CDH12: variants seen among roughly 807,000 people sequenced by gnomAD.
CDH12 encodes cadherin 12.
In CDH12, 41 loss-of-function variants were observed where a neutral mutation model predicts 74.1. The ratio of observed to expected loss-of-function variants is 0.55; its 90% CI spans 0.43 to 0.72. The LOEUF (loss-of-function observed/expected upper bound fraction) is 0.72. Among genes scored for constraint, CDH12 ranks in the 30% least tolerant of loss-of-function variants. The pLI is 0.00. For missense variants in CDH12, 945 were observed against 977.2 expected (o/e 0.97, Z 0.44); for synonymous variants, 399 against 355.0 (o/e 1.12, Z -1.39).
At chr5:21,833,083 A>T (rs1429891311) in intron 8 of CDH12, among the ~76,000 whole-genome samples, 1 of 46,910 alleles carries the variant, frequency 2.1e-5, no homozygotes, top group Non-Finnish European at 4.0e-5. Context: ...TATATATTAT[A>T]TTATAAATAT....
At chr5:22,277,132 C>T (rs1453221067) in intron 3 of CDH12, among the ~76,000 whole-genome samples, 1 of 152,100 alleles carries the variant, frequency 6.6e-6, no homozygotes, top group Non-Finnish European at 1.5e-5. Flanking sequence ...GCAAAGTAGC[C>T]CCAATAACTA....
chr5:22,430,519 T>C (rs1304908508), intron 2 of CDH12, among the ~76,000 whole-genome samples: 1 of 152,156 alleles, frequency 6.6e-6, no homozygotes, highest in Non-Finnish European at 1.5e-5. Context: ...CTAACTTTAT[T>C]TACTTAGCAT....
intron 4 of CDH12, among the ~76,000 whole-genome samples, chr5:22,197,517 G>C (rs1039535725): frequency 1.3e-5 from 2 of 152,124 alleles, no homozygotes; most frequent in African/African-American, 4.8e-5. Flanking sequence ...GATTTTGCCA[G>C]AGAGTATCAG....
intron 3 of CDH12, among the ~76,000 whole-genome samples, chr5:22,369,190 A>G (rs1741163903): frequency 1.3e-5 from 2 of 151,098 alleles, no homozygotes; most frequent in South Asian, 2.1e-4. Flanking sequence ...TTGAAATTTG[A>G]TGTCCCTTAC....
intron 3 of CDH12, among the ~76,000 whole-genome samples, chr5:22,361,527 G>T (rs55799781): frequency 0.35 from 52,752 of 151,224 alleles, 10,579 homozygotes; most frequent in Admixed American, 0.48. Context: ...TAGATTCAAT[G>T]CCATCCCCAT....
At chr5:22,160,068 G>A (rs1156240855) in intron 4 of CDH12, among the ~76,000 whole-genome samples, 2 of 152,180 alleles carry the variant, frequency 1.3e-5, no homozygotes, top group East Asian at 1.9e-4. Flanking sequence ...TGCAATATAC[G>A]TTGCTCTTCT....
chr5:22,546,515 C>A (rs904342500), intron 1 of CDH12, among the ~76,000 whole-genome samples: 19 of 152,124 alleles, frequency 1.2e-4, no homozygotes, highest in African/African-American at 4.6e-4. Context: ...GTTAGGCAAT[C>A]CCCTCTCTGT....
At chr5:21,900,716 C>A (rs992772893) in intron 6 of CDH12, among the ~76,000 whole-genome samples, 38 of 152,274 alleles carry the variant, frequency 2.5e-4, no homozygotes, top group Non-Finnish European at 4.4e-4. Flanking sequence ...CCCGACTCCG[C>A]CAGCCAATGC....
intron 1 of CDH12, among the ~76,000 whole-genome samples, chr5:22,723,170 G>A (rs1027414326): frequency 3.9e-5 from 6 of 152,100 alleles, no homozygotes; most frequent in African/African-American, 1.4e-4. Flanking sequence ...CAAATGCAAG[G>A]CATGCTCATT....
intron 4 of CDH12, among the ~76,000 whole-genome samples, chr5:22,079,810 T>C (rs534452438): frequency 4.1e-4 from 62 of 149,902 alleles, no homozygotes; most frequent in African/African-American, 1.5e-3. Flanking sequence ...ATGTGGTAGA[T>C]AAAAAAACAG....
At chr5:22,470,822 C>A (rs1485865703) in intron 2 of CDH12, among the ~76,000 whole-genome samples, 1 of 149,378 alleles carries the variant, frequency 6.7e-6, no homozygotes, top group East Asian at 2.0e-4. Context: ...CACTTCTGAG[C>A]CCTTTTTTTT....
intron 1 of CDH12, among the ~76,000 whole-genome samples, chr5:22,520,200 A>T (rs1385129497): frequency 1.3e-5 from 2 of 152,172 alleles, no homozygotes; most frequent in East Asian, 3.9e-4. Flanking sequence ...AAAAGCCACA[A>T]TGTGAATAGT....
At chr5:22,168,981 A>G (rs1206208479) in intron 4 of CDH12, among the ~76,000 whole-genome samples, 1 of 149,624 alleles carries the variant, frequency 6.7e-6, no homozygotes, top group Non-Finnish European at 1.5e-5. Flanking sequence ...AGAAAACAGT[A>G]CAACTACACT....
intron 3 of CDH12, among the ~76,000 whole-genome samples, chr5:22,384,512 C>T (rs1212684998): frequency 2.0e-5 from 2 of 100,748 alleles, no homozygotes; most frequent in African/African-American, 3.6e-5. Flanking sequence ...GGCCACAGAG[C>T]GAAACTCCGT....
chr5:22,532,375 A>ATATATATATATATATATG (rs1178546849), intron 1 of CDH12, among the ~76,000 whole-genome samples: 5 of 75,834 alleles, frequency 6.6e-5, no homozygotes, highest in African/African-American at 1.8e-4. Flanking sequence ...ATATATATAT[A>ATATATATATATATATATG]TATGTATGTA....
chr5:22,488,846 A>G (rs183870155), intron 2 of CDH12, among the ~76,000 whole-genome samples: 1 of 149,398 alleles, frequency 6.7e-6, no homozygotes, highest in African/African-American at 2.6e-5. Context: ...CTACTGGCCA[A>G]TACTGGTACT....
At chr5:22,229,360 C>A (rs115146208) in intron 3 of CDH12, among the ~76,000 whole-genome samples, 7 of 125,378 alleles carry the variant, frequency 5.6e-5, no homozygotes, top group African/African-American at 7.8e-5. Flanking sequence ...CTGCCTTTTA[C>A]AAAAAAAAAA....
chr5:22,637,617 A>T (rs897041106), intron 1 of CDH12, among the ~76,000 whole-genome samples: 1 of 152,252 alleles, frequency 6.6e-6, no homozygotes, highest in African/African-American at 2.4e-5. Context: ...TCTTAGGATC[A>T]TCAGATGATT....
intron 1 of CDH12, among the ~76,000 whole-genome samples, chr5:22,829,745 C>G (rs904386185): frequency 6.6e-6 from 1 of 152,182 alleles, no homozygotes; most frequent in African/African-American, 2.4e-5. Flanking sequence ...AATACATTGA[C>G]AATGACCTTA....
Sources: gnomAD v4.1 joint callset for allele counts (sites outside exome capture counted in the v4.1 genomes callset) on GRCh38, gnomAD v4.1.1 for gene constraint, MANE v1.5 for transcripts, NCBI Gene and HGNC (gene_info 2026-07-23, HGNC 2026-07-21) for gene names.